The following MEOX2 variants were observed in gnomAD, a reference collection of about 807,000 sequenced individuals.
MEOX2 encodes the protein homeobox protein MOX-2.
MEOX2 carries 11 observed loss-of-function variants against 27.0 expected under a neutral mutation model. The observed-to-expected ratio is 0.41, with a 90% CI of 0.26 to 0.68. MEOX2 has a LOEUF of 0.68. MEOX2 is among the 30% of genes least tolerant of loss of function. MEOX2 has a pLI of 0.33. For synonymous variants in MEOX2, 189 were observed against 155.4 expected (o/e 1.22, Z -1.61); for missense variants, 436 against 385.4 (o/e 1.13, Z -1.10).
intron 1 of MEOX2, among the ~76,000 whole-genome samples, chr7:15,632,544 G>A (rs1781420406): frequency 1.3e-5 from 2 of 151,782 alleles, no homozygotes; most frequent in South Asian, 2.1e-4. Flanking sequence ...CATGATTAAT[G>A]TGCAATTCGA....
chr7:15,632,736 A>G (rs1781422630), intron 1 of MEOX2, among the ~76,000 whole-genome samples: 1 of 151,970 alleles, frequency 6.6e-6, no homozygotes, highest in Non-Finnish European at 1.5e-5. Flanking sequence ...AACCGGGACA[A>G]GTCTTCTGGG....
At chr7:15,673,687 C>G (rs1026093413) in intron 1 of MEOX2, among the ~76,000 whole-genome samples, 4 of 150,202 alleles carry the variant, frequency 2.7e-5, no homozygotes, top group Non-Finnish European at 5.9e-5. Flanking sequence ...AAGGTTGTAC[C>G]GATTAAGATG....
Position 15,612,387 on chromosome 7 carries a change from T to C in MEOX2, c.915A>G (p.Ter305TrpextTer15). The change falls in exon 3 of 3, where the codon TGA becomes TGG. Residue 305 changes from the stop codon to tryptophan (W), a stop_lost. Transcript: ENST00000262041. Reference sequence around the variant, plus strand: ...GAATGGAGCTGGTCCTCTGTTTATATCATAAGTGCGCATGCTCTGAGCTGT... The same window carrying C: ...GAATGGAGCTGGTCCTCTGTTTATACCATAAGTGCGCATGCTCTGAGCTGT... ...SDHSSEHAHL[*>W] The C allele has an allele frequency of 6.2e-7, 1 of 1,612,964 alleles. No homozygotes were observed. The highest frequency in any genetic ancestry group is 8.5e-7 in the Non-Finnish European group (1 of 1,179,030).
rs537392369 is a variant in MEOX2, at chr7:15,625,834, C to A, written c.690+912G>T. On this transcript the variant is annotated intron_variant, in intron 2 of 2. Transcript: ENST00000262041. ...CTGTTAGAACAAATCATTTGTCATTCAAAAAAAATGCAAGAAAGGGACCTA... is the reference window on the plus strand; with the variant it reads ...CTGTTAGAACAAATCATTTGTCATTAAAAAAAAATGCAAGAAAGGGACCTA... 2.2e-4 allele frequency among the ~76,000 whole-genome samples: 33 copies of A among 151,318 alleles called. No individual in the cohort carries two copies. The East Asian group carries it at 6.2e-3, about 28-fold the overall frequency.
rs558939375 is a variant in MEOX2, at chr7:15,637,567, C to T, written c.518-10649G>A. Among the ~76,000 whole-genome samples, 3 of 151,886 alleles carry T rather than the reference C, an allele frequency of 2.0e-5. No individual in the cohort carries two copies. In the East Asian group the frequency reaches 5.8e-4, roughly 29 times the overall value. On this transcript the variant is annotated intron_variant, in intron 1 of 2. Coordinates refer to ENST00000262041, the MANE Select transcript of MEOX2 (RefSeq NM_005924.5). Reference sequence around the variant, plus strand: ...ACGCACACACACACATAAAACATACCATCTGCTAATCTTGCAATACTTCTC... The same window carrying T: ...ACGCACACACACACATAAAACATACTATCTGCTAATCTTGCAATACTTCTC...
chr7:15,645,099 G>A (rs1781620924), intron 1 of MEOX2, among the ~76,000 whole-genome samples: 1 of 152,178 alleles, frequency 6.6e-6, no homozygotes, highest in Admixed American at 6.5e-5. Flanking sequence ...TAATTTGAAA[G>A]TTCTCTCAAT....
chr7:15,678,362 T>C (rs1325100250), intron 1 of MEOX2, among the ~76,000 whole-genome samples: 2 of 151,974 alleles, frequency 1.3e-5, no homozygotes, highest in Admixed American at 1.3e-4. Context: ...GTGAAAGTTA[T>C]TTGCTAAATT....
At chr7:15,660,273 C>T (rs886990015) in intron 1 of MEOX2, among the ~76,000 whole-genome samples, 3 of 152,020 alleles carry the variant, frequency 2.0e-5, no homozygotes, top group Admixed American at 6.6e-5. Flanking sequence ...TGGAGAACAC[C>T]GGAGAATGGT....
At chr7:15,627,424 CT>C (rs995258997) in intron 1 of MEOX2, among the ~76,000 whole-genome samples, 11 of 151,936 alleles carry the variant, frequency 7.2e-5, no homozygotes, top group African/African-American at 2.7e-4. Context: ...TACTTATTGG[CT>C]TTTTTATCTG....
At chr7:15,654,190 A>G (rs1371791942) in intron 1 of MEOX2, among the ~76,000 whole-genome samples, 3 of 151,968 alleles carry the variant, frequency 2.0e-5, no homozygotes, top group Non-Finnish European at 4.4e-5. Flanking sequence ...TTTTAATTTT[A>G]GAGTACATGT....
chr7:15,637,530 A>G (rs186978130), intron 1 of MEOX2, among the ~76,000 whole-genome samples: 9 of 151,692 alleles, frequency 5.9e-5, no homozygotes, highest in African/African-American at 7.3e-5. Flanking sequence ...ACACACACAC[A>G]CGCACACACA....
chr7:15,673,913 T>C (rs1236409515), intron 1 of MEOX2, among the ~76,000 whole-genome samples: 1 of 152,100 alleles, frequency 6.6e-6, no homozygotes, highest in Non-Finnish European at 1.5e-5. Flanking sequence ...AAGCATCATA[T>C]TCCAAAGACT....
At chr7:15,668,864 G>A (rs998834673) in intron 1 of MEOX2, among the ~76,000 whole-genome samples, 3 of 152,064 alleles carry the variant, frequency 2.0e-5, no homozygotes, top group African/African-American at 7.2e-5. Flanking sequence ...CATTATTCAA[G>A]GGTCAACTCT....
chr7:15,683,590 G>A (rs918486934), intron 1 of MEOX2, among the ~76,000 whole-genome samples: 5 of 151,910 alleles, frequency 3.3e-5, no homozygotes, highest in Non-Finnish European at 7.4e-5. Context: ...GATAATTTAT[G>A]GAACACCTAA....
At chr7:15,622,276 T>A (rs1562595864) in intron 2 of MEOX2, among the ~76,000 whole-genome samples, 3 of 152,144 alleles carry the variant, frequency 2.0e-5, no homozygotes, top group Non-Finnish European at 4.4e-5. Flanking sequence ...TATATATCTG[T>A]GTATATGTGT....
At chr7:15,648,586 T>G (rs1044953556) in intron 1 of MEOX2, among the ~76,000 whole-genome samples, 4 of 152,072 alleles carry the variant, frequency 2.6e-5, no homozygotes, top group Admixed American at 6.6e-5. Flanking sequence ...TGTCTCCACA[T>G]TCCATAAAAA....
intron 1 of MEOX2, among the ~76,000 whole-genome samples, chr7:15,657,534 G>C (rs1371085512): frequency 3.3e-5 from 5 of 151,846 alleles, no homozygotes; most frequent in Admixed American, 3.3e-4. Flanking sequence ...ATTTCCACTT[G>C]GTTCTCCTTT....
At chr7:15,677,888 A>G (rs1262180646) in intron 1 of MEOX2, among the ~76,000 whole-genome samples, 1 of 152,218 alleles carries the variant, frequency 6.6e-6, no homozygotes, top group Non-Finnish European at 1.5e-5. Context: ...TAAATATGCA[A>G]AAGTGTTGCC....
intron 1 of MEOX2, among the ~76,000 whole-genome samples, chr7:15,671,629 A>G (rs566497660): frequency 6.6e-6 from 1 of 152,348 alleles, no homozygotes; most frequent in South Asian, 2.1e-4. Flanking sequence ...TAACTACACA[A>G]ACAAACAGCA....
Sources: gnomAD v4.1 joint callset for allele counts (sites outside exome capture counted in the v4.1 genomes callset) on GRCh38, gnomAD v4.1.1 for gene constraint, MANE v1.5 for transcripts, NCBI Gene and HGNC (gene_info 2026-07-23, HGNC 2026-07-21) for gene names.